BCAT1: variants seen among roughly 807,000 people sequenced by gnomAD.
BCAT1 encodes the protein branched-chain-amino-acid aminotransferase, cytosolic.
BCAT1 carries 48 observed loss-of-function variants against 52.4 expected under a neutral mutation model. That is an observed-to-expected ratio of 0.92 (90% CI 0.73 to 1.16). The LOEUF is 1.16. BCAT1 is among the 50% of genes most tolerant of loss of function. The pLI, the probability that BCAT1 is intolerant of heterozygous loss-of-function variation, is 0.00. For synonymous variants in BCAT1, 167 were observed against 161.3 expected, an observed-to-expected ratio of 1.04 and a Z score of -0.27; for missense variants, 451 against 457.1, an observed-to-expected ratio of 0.99 and a Z score of 0.12.
chr12:24,902,791 CG>C, intron 1 of BCAT1: 3 of 1,080,028 alleles, frequency 2.8e-6, no homozygotes, highest in Non-Finnish European at 3.8e-6. Flanking sequence ...GGCAGGGATG[CG>C]GGGAAGGGAA....
At chr12:24,897,733 T>A (rs1382986496) in intron 2 of BCAT1, among the ~76,000 whole-genome samples, 1 of 152,186 alleles carries the variant, frequency 6.6e-6, no homozygotes, top group Non-Finnish European at 1.5e-5. Context: ...TTTGTATTTT[T>A]GGTAGAGATG....
At chr12:24,896,488 A>C (rs1192877675) in intron 2 of BCAT1, among the ~76,000 whole-genome samples, 1 of 152,246 alleles carries the variant, frequency 6.6e-6, no homozygotes, top group Non-Finnish European at 1.5e-5. Context: ...AAAGTTTAGC[A>C]GGCCGGGCAC....
At chr12:24,910,703 C>T (rs1007627241) in intron 1 of BCAT1, among the ~76,000 whole-genome samples, 21 of 152,224 alleles carry the variant, frequency 1.4e-4, no homozygotes, top group African/African-American at 4.8e-4. Context: ...ACAAATCCTT[C>T]TTTTAAAGTC....
At chr12:24,948,781 A>ATC in intron 1 of BCAT1, 146 bp downstream of exon 1, 1 of 875,908 alleles carries the variant, frequency 1.1e-6, no homozygotes, top group Non-Finnish European at 1.8e-6. Flanking sequence ...CGATTGATAA[A>ATC]GAAGATACTG....
chr12:24,871,831 A>C (rs1942191379), intron 5 of BCAT1, among the ~76,000 whole-genome samples: 2 of 152,224 alleles, frequency 1.3e-5, no homozygotes, highest in Non-Finnish European at 2.9e-5. Flanking sequence ...GGCTAAAATC[A>C]AGGCAAATAG....
At chr12:24,857,894 G>C (rs1484039146) in intron 5 of BCAT1, among the ~76,000 whole-genome samples, 1 of 152,134 alleles carries the variant, frequency 6.6e-6, no homozygotes, top group African/African-American at 2.4e-5. Context: ...GCAGTTATAG[G>C]GGAATACCCC....
At chr12:24,937,333 G>T (rs981938543) in intron 1 of BCAT1, among the ~76,000 whole-genome samples, 1 of 152,180 alleles carries the variant, frequency 6.6e-6, no homozygotes, top group South Asian at 2.1e-4. Flanking sequence ...AAGAAAAAGA[G>T]TTTGGGGGAT....
intron 5 of BCAT1, among the ~76,000 whole-genome samples, chr12:24,865,357 C>T (rs987482918): frequency 2.6e-5 from 4 of 152,226 alleles, no homozygotes; most frequent in Non-Finnish European, 5.9e-5. Context: ...AAAACAGCAT[C>T]TCTTCTCTCA....
Position 24,934,709 on chromosome 12 carries a change from C to T in BCAT1, c.6+14218G>A, listed in dbSNP as rs894101959. Among the ~76,000 whole-genome samples, 20 of 152,216 alleles carry T rather than the reference C, an allele frequency of 1.3e-4. No homozygotes were observed. The South Asian group carries it at 1.5e-3, about 11-fold the overall frequency. Reference sequence around the variant, plus strand: ...CTGGGACTATAGGTGCACACCACCACGCCCAGCTAATTTTTGTATTTTTAG... The same window carrying T: ...CTGGGACTATAGGTGCACACCACCATGCCCAGCTAATTTTTGTATTTTTAG... On this transcript the variant is annotated intron_variant, in intron 1 of 10. Transcript: ENST00000261192.
chr12:24,873,125 G>T (rs1284491162), intron 5 of BCAT1, among the ~76,000 whole-genome samples: 1 of 152,208 alleles, frequency 6.6e-6, no homozygotes, highest in Non-Finnish European at 1.5e-5. Flanking sequence ...CTTGGATGTA[G>T]TGTTGTTAAG....
At chr12:24,855,564 A>C (rs1480982668) in intron 5 of BCAT1, among the ~76,000 whole-genome samples, 2 of 151,970 alleles carry the variant, frequency 1.3e-5, no homozygotes, top group African/African-American at 4.8e-5. Flanking sequence ...TATTTTTAGT[A>C]GAGATGGGGT....
chr12:24,901,206 A>G (rs1404026837), intron 2 of BCAT1, among the ~76,000 whole-genome samples: 1 of 152,204 alleles, frequency 6.6e-6, no homozygotes, highest in Non-Finnish European at 1.5e-5. Context: ...TTGTCTGATG[A>G]CAATTGACAG....
At position 24,817,782 on chromosome 12, in the gene BCAT1, AG is replaced by A. The variant is rs1566548458; in HGVS notation, c.*225del. On this transcript the variant is annotated 3_prime_UTR_variant, in exon 11 of 11. Coordinates refer to ENST00000261192, the MANE Select transcript of BCAT1 (RefSeq NM_005504.7). ...ATATGGCTTACATTAATGTTTTTCT[AG>A]GTAAGGTAAGGTAAGTTACTACTAC... 8 of 518,646 alleles carry A rather than the reference AG, an allele frequency of 1.5e-5. No homozygotes were observed. Among genetic ancestry groups the A allele is most frequent in the East Asian group, 1.5e-4 (5 of 33,466 alleles). The allele number at this position is 518,646 out of a possible 1,614,324, so 32.1% of individuals were successfully genotyped here.
At chr12:24,851,725 C>T (rs922817746) in intron 5 of BCAT1, among the ~76,000 whole-genome samples, 4 of 152,148 alleles carry the variant, frequency 2.6e-5, no homozygotes, top group Non-Finnish European at 1.5e-5. Flanking sequence ...AAGGATAAAG[C>T]GCCTTAAAGC....
intron 9 of BCAT1, among the ~76,000 whole-genome samples, chr12:24,831,644 G>A (rs1160260637): frequency 1.3e-5 from 2 of 152,172 alleles, no homozygotes; most frequent in Admixed American, 6.5e-5. Flanking sequence ...GAAAGACCCC[G>A]TTTAAAAAAA....
intron 5 of BCAT1, among the ~76,000 whole-genome samples, chr12:24,871,214 C>T (rs554290584): frequency 3.9e-5 from 6 of 152,176 alleles, no homozygotes; most frequent in African/African-American, 1.4e-4. Flanking sequence ...GTAAGATGGG[C>T]CTGGGCCTTT....
intron 7 of BCAT1, 38 bp downstream of exon 7, chr12:24,842,044 G>C (rs1384848828): frequency 6.2e-7 from 1 of 1,603,716 alleles, no homozygotes; most frequent in South Asian, 1.1e-5. Flanking sequence ...TGTTGAAAAT[G>C]ACTGAGAAAT....
intron 4 of BCAT1, among the ~76,000 whole-genome samples, chr12:24,879,506 A>T (rs1037176794): frequency 3.3e-5 from 5 of 152,228 alleles, no homozygotes; most frequent in Non-Finnish European, 7.3e-5. Context: ...TGAGTCAGTC[A>T]TAAGCATCTG....
intron 10 of BCAT1, among the ~76,000 whole-genome samples, chr12:24,825,708 T>C (rs1940366766): frequency 6.6e-6 from 1 of 152,204 alleles, no homozygotes; most frequent in African/African-American, 2.4e-5. Context: ...GATTACTAGA[T>C]TTTTCCTATA....
Sources: allele counts gnomAD v4.1 joint callset (sites outside exome capture counted in the v4.1 genomes callset), GRCh38; gene constraint gnomAD v4.1.1; transcripts MANE v1.5; gene names NCBI Gene and HGNC (gene_info 2026-07-23, HGNC 2026-07-21).